RMDN3: variants seen among roughly 807,000 people sequenced by gnomAD.
The protein encoded by RMDN3 is regulator of microtubule dynamics 3, also known as regulator of microtubule dynamics protein 3.
A neutral mutation model predicts 61.8 loss-of-function variants in RMDN3; 41 were observed. That is an observed-to-expected ratio of 0.66 (90% confidence interval 0.52 to 0.86). The LOEUF is 0.86. RMDN3 is among the 40% of genes least tolerant of loss of function. The pLI is 0.00. For missense variants in RMDN3, 557 were observed against 585.3 expected, an observed-to-expected ratio of 0.95 and a Z score of 0.50; for synonymous variants, 247 against 232.0, an observed-to-expected ratio of 1.06 and a Z score of -0.59.
At chr15:40,748,442 A>C (rs912377637) in intron 4 of RMDN3, among the ~76,000 whole-genome samples, 1 of 152,018 alleles carries the variant, frequency 6.6e-6, no homozygotes, top group Non-Finnish European at 1.5e-5. Context: ...AAGGCGCTAT[A>C]ATTAAGAAAT....
rs200360732 is a variant in RMDN3, at chr15:40,752,166, C to T, written c.200G>A (p.Arg67Gln). The T allele has an allele frequency of 1.9e-5, 30 of 1,613,710 alleles. No homozygotes were observed. Among genetic ancestry groups the T allele is most frequent in the Non-Finnish European group, 2.4e-5 (28 of 1,179,828 alleles). Residue 67 changes from arginine (R) to glutamine (Q), a missense_variant, in exon 3 of 13, where the codon CGG (arginine) becomes CAG (glutamine). Transcript: ENST00000338376. ...ATCTCCAGCCCCACCTGGGACAGCC[C>T]GCAGGAGCATCACTGAAGGGGGAAA... ...SDPGRHVMLL[R>Q]AVPGGAGDAS...
intron 4 of RMDN3, among the ~76,000 whole-genome samples, chr15:40,748,077 G>A: frequency 6.6e-6 from 1 of 152,144 alleles, no homozygotes; most frequent in Non-Finnish European, 1.5e-5. Flanking sequence ...AATGCCCGGG[G>A]AACAAGCTCA....
Position 40,744,095 on chromosome 15 carries a change from ACATGT to A in RMDN3, c.857_861del (p.Asp286ValfsTer2). The A allele has an allele frequency of 6.2e-7, 1 of 1,613,736 alleles. No homozygotes were observed. Among genetic ancestry groups the A allele is most frequent in the Non-Finnish European group, 8.5e-7 (1 of 1,180,000 alleles). On this transcript the variant is annotated frameshift_variant, in exon 6 of 13. Coordinates refer to ENST00000338376, the MANE Select transcript of RMDN3 (RefSeq NM_018145.3). LOFTEE classifies it high-confidence loss of function. ...TCGCTCACCTCCTCAGTGAGCTCAC[ACATGT>A]CACTGTAGGCTCGGGCCAGGCGCCA... is the stretch of plus-strand genomic sequence containing the variant.
chr15:40,737,493 G>GATTTTCCCATA (rs1897101925), intron 10 of RMDN3, 135 bp downstream of exon 10: 1 of 1,116,274 alleles, frequency 9.0e-7, no homozygotes, highest in African/African-American at 1.6e-5. Flanking sequence ...AAGTGATTCT[G>GATTTTCCCATA]GTTTTCCCAT....
At chr15:40,738,777 T>C in intron 7 of RMDN3, 1 of 600,256 alleles carries the variant, frequency 1.7e-6, no homozygotes, top group Non-Finnish European at 3.0e-6. Context: ...TAGATAATGG[T>C]AGGCTTACAA....
chr15:40,747,025 T>G (rs760527374), intron 4 of RMDN3, among the ~76,000 whole-genome samples: 9 of 151,964 alleles, frequency 5.9e-5, no homozygotes, highest in Non-Finnish European at 1.0e-4. Flanking sequence ...TTGAGAAAAA[T>G]CAAACCAGAG....
At chr15:40,746,516 C>CAAAA (rs756574720) in intron 4 of RMDN3, among the ~76,000 whole-genome samples, 1 of 85,812 alleles carries the variant, frequency 1.2e-5, no homozygotes, top group Admixed American at 1.3e-4. Context: ...GACTCCGTCT[C>CAAAA]AAAAAAAAAA....
chr15:40,744,894 C>G, intron 5 of RMDN3, 83 bp downstream of exon 5: 2 of 1,407,910 alleles, frequency 1.4e-6, no homozygotes, highest in Non-Finnish European at 9.5e-7. Context: ...AGTAACCACA[C>G]GGGCCTTCAT....
At chr15:40,736,988 G>GAATT in intron 12 of RMDN3, 136 bp downstream of exon 12, 1 of 755,150 alleles carries the variant, frequency 1.3e-6, no homozygotes. Flanking sequence ...CGAGTAGCTG[G>GAATT]AATTATAGGC....
chr15:40,740,772 C>T (rs1897248448), intron 6 of RMDN3, among the ~76,000 whole-genome samples: 1 of 152,112 alleles, frequency 6.6e-6, no homozygotes, highest in South Asian at 2.1e-4. Flanking sequence ...GTGCTTGAAG[C>T]AGATTTTAGC....
At chr15:40,746,888 A>C (rs879652482) in intron 4 of RMDN3, among the ~76,000 whole-genome samples, 6 of 152,160 alleles carry the variant, frequency 3.9e-5, no homozygotes, top group Non-Finnish European at 7.3e-5. Flanking sequence ...GAAAAAAAAA[A>C]AAACACCTTT....
chr15:40,736,438 G>A lies in RMDN3; in HGVS notation c.*103C>T, dbSNP rs1897046440. 9.9e-7 allele frequency: 1 copy of A among 1,012,552 alleles called. No individual in the cohort carries two copies. The highest frequency in any genetic ancestry group is 1.4e-5 in the South Asian group (1 of 73,534). The allele number at this position is 1,012,552 out of a possible 1,614,324, so 62.7% of individuals were successfully genotyped here. On this transcript the variant is annotated 3_prime_UTR_variant, in exon 13 of 13. Coordinates refer to ENST00000338376, the MANE Select transcript of RMDN3 (RefSeq NM_018145.3). ...GGGTAGCAGTCAGACCCAGGAGACA[G>A]ATTTGTGTGGTTTCCTGATCTCAGC...
chr15:40,753,522 A>G (rs2004771), intron 2 of RMDN3, among the ~76,000 whole-genome samples: 74,739 of 150,250 alleles, frequency 0.5, 19,240 homozygotes, highest in East Asian at 0.77. Flanking sequence ...CAAAAAAAAG[A>G]AAAGAAAAGA....
At chr15:40,739,825 G>C in intron 7 of RMDN3, 1 of 367,522 alleles carries the variant, frequency 2.7e-6, no homozygotes. Context: ...GATTGTCCCA[G>C]CCTCCTGAGA....
In RMDN3 at chr15:40,737,743, A is replaced by G. The variant is rs773038957; in HGVS notation, c.1126-17T>C. The stretch of plus-strand genomic sequence containing the variant: ...GTGAGAGACCTGCCACAAAAAGATC[A>G]AGGTGTGTATAAGAGGTTTTAAAAG... On this transcript the variant is annotated splice_polypyrimidine_tract_variant and intron_variant, in intron 9 of 12. Coordinates refer to ENST00000338376, the MANE Select transcript of RMDN3 (RefSeq NM_018145.3). 8 of 1,611,316 alleles carry G rather than the reference A, an allele frequency of 5.0e-6. No homozygotes were observed. In the Admixed American group the frequency reaches 1.3e-4, roughly 27 times the overall value.
chr15:40,753,371 G>A (rs1265709731), intron 2 of RMDN3, among the ~76,000 whole-genome samples: 1 of 152,074 alleles, frequency 6.6e-6, no homozygotes, highest in Non-Finnish European at 1.5e-5. Context: ...AATTAGCTGG[G>A]CATGGTGGCA....
In RMDN3 at chr15:40,744,062, ACTT is replaced by A. The variant is rs776250084; in HGVS notation, c.892_894del (p.Lys298del). On this transcript the variant is annotated inframe_deletion, in exon 6 of 13. Coordinates refer to ENST00000338376, the MANE Select transcript of RMDN3 (RefSeq NM_018145.3). ...CAGCACTTACCATCTAGGGCATATG[ACTT>A]CTTCTCGCTCACCTCCTCAGTGAGC... is the stretch of plus-strand genomic sequence containing the variant. 6.2e-5 allele frequency: 100 copies of A among 1,612,884 alleles called. No individual in the cohort carries two copies. The highest frequency in any genetic ancestry group is 2.9e-4 in the East Asian group (13 of 44,862).
At chr15:40,746,026 ACCC>A in intron 4 of RMDN3, among the ~76,000 whole-genome samples, 1 of 152,080 alleles carries the variant, frequency 6.6e-6, no homozygotes, top group Non-Finnish European at 1.5e-5. Context: ...AATGCAAACT[ACCC>A]CCTGAAAAGG....
intron 4 of RMDN3, among the ~76,000 whole-genome samples, chr15:40,747,136 G>A (rs1302043239): frequency 6.6e-6 from 1 of 152,218 alleles, no homozygotes; most frequent in East Asian, 1.9e-4. Context: ...AGGAGGGGGA[G>A]ACCCTATTTC....
Sources: gnomAD v4.1 joint callset for allele counts (sites outside exome capture counted in the v4.1 genomes callset) on GRCh38, gnomAD v4.1.1 for gene constraint, MANE v1.5 for transcripts, NCBI Gene and HGNC (gene_info 2026-07-23, HGNC 2026-07-21) for gene names.